The following SLX9 variants were observed in gnomAD, a reference collection of about 807,000 sequenced individuals.
The protein encoded by SLX9 is ribosome biogenesis protein SLX9 homolog.
A neutral mutation model predicts 20.8 loss-of-function variants in SLX9; 19 were observed. That is an observed-to-expected ratio of 0.91 (90% confidence interval 0.64 to 1.34). The LOEUF (loss-of-function observed/expected upper bound fraction) is 1.34. Among genes scored for constraint, SLX9 ranks in the 40% most tolerant of loss-of-function variants. The pLI is 0.00. For synonymous variants in SLX9, 113 were observed against 137.1 expected, an observed-to-expected ratio of 0.82 and a Z score of 1.23; for missense variants, 299 against 322.2, an observed-to-expected ratio of 0.93 and a Z score of 0.55.
chr21:44,962,039 A>G (rs1314717421), intron 3 of SLX9, among the ~76,000 whole-genome samples: 1 of 152,250 alleles, frequency 6.6e-6, no homozygotes, highest in African/African-American at 2.4e-5. Context: ...ATAACCGTTC[A>G]TCTAGCAGTT....
chr21:44,939,989 C>G, upstream of SLX9: 1 of 1,356,510 alleles, frequency 7.4e-7, no homozygotes, highest in Non-Finnish European at 9.5e-7. Context: ...CCTGTTTCCG[C>G]CGGGCGGCGA....
intron 2 of SLX9, among the ~76,000 whole-genome samples, chr21:44,944,040 G>A (rs60088468): frequency 0.046 from 6,984 of 152,256 alleles, 520 homozygotes; most frequent in African/African-American, 0.15. Context: ...TCATGTCTCC[G>A]CAGCTCTGCA....
chr21:44,976,837 C>T lies in SLX9; in HGVS notation c.*34C>T, dbSNP rs1308989164. ...GCGGGCATGCCACAACTCCTCAGGA[C>T]ACATGTGGGCCAAGTAGAGAGCGCC... On this transcript the variant is annotated 3_prime_UTR_variant, in exon 6 of 6. Coordinates refer to ENST00000291634, the MANE Select transcript of SLX9 (RefSeq NM_058190.4). 6.5e-7 allele frequency: 1 copy of T among 1,539,414 alleles called. No homozygotes were observed. The highest frequency in any genetic ancestry group is 8.7e-7 in the Non-Finnish European group (1 of 1,148,068).
At chr21:44,963,114 G>A (rs1601407416) in intron 3 of SLX9, among the ~76,000 whole-genome samples, 2 of 146,326 alleles carry the variant, frequency 1.4e-5, no homozygotes, top group Admixed American at 6.8e-5. Context: ...TTTTGAGATA[G>A]AGTCTTGCTC....
rs749820645 is a variant in SLX9, at chr21:44,976,768, C to G, written c.658C>G (p.Arg220Gly). 3.2e-6 allele frequency: 5 copies of G among 1,551,350 alleles called. No homozygotes were observed. The South Asian group carries it at 4.7e-5, about 15-fold the overall frequency. ...GGTGGCCATCGGGCAGACGCTGGCCCGGCAGATGCAGCTGGAAGATGGCGG... is the reference window on the plus strand; with the variant it reads ...GGTGGCCATCGGGCAGACGCTGGCCGGGCAGATGCAGCTGGAAGATGGCGG... ...PLVAIGQTLA[R>G]QMQLEDGGQL Residue 220 changes from arginine to glycine, a missense_variant, in exon 6 of 6, where the codon CGG becomes GGG. Coordinates refer to ENST00000291634, the MANE Select transcript of SLX9 (RefSeq NM_058190.4).
At chr21:44,952,308 T>C (rs2084773405) in intron 2 of SLX9, among the ~76,000 whole-genome samples, 1 of 152,248 alleles carries the variant, frequency 6.6e-6, no homozygotes, top group African/African-American at 2.4e-5. Flanking sequence ...CCTTTTTCTA[T>C]TTGCCAGACA....
intron 2 of SLX9, among the ~76,000 whole-genome samples, chr21:44,951,206 C>T (rs2084750704): frequency 6.6e-6 from 1 of 152,134 alleles, no homozygotes; most frequent in Non-Finnish European, 1.5e-5. Flanking sequence ...TGAGATGAAA[C>T]CGTGGCTGCT....
chr21:44,975,066 C>T (rs2085237808), intron 5 of SLX9, among the ~76,000 whole-genome samples: 1 of 152,210 alleles, frequency 6.6e-6, no homozygotes, highest in South Asian at 2.1e-4. Flanking sequence ...AGCAGGAGGC[C>T]CCTTCCTTGT....
chr21:44,976,517 G>A (rs1241052798), intron 5 of SLX9, among the ~76,000 whole-genome samples, 163 bp from the exon 6 acceptor site: 1 of 152,202 alleles, frequency 6.6e-6, no homozygotes. Flanking sequence ...AGGGCCCGGG[G>A]CAGCCTCTCC....
intron 4 of SLX9, among the ~76,000 whole-genome samples, chr21:44,969,823 C>T (rs1009722724): frequency 2.6e-5 from 4 of 152,228 alleles, no homozygotes; most frequent in East Asian, 1.9e-4. Context: ...CCTCAGGATC[C>T]GTACAGGATC....
intron 2 of SLX9, among the ~76,000 whole-genome samples, chr21:44,956,885 C>T (rs1035864635): frequency 6.6e-6 from 1 of 152,166 alleles, no homozygotes. Flanking sequence ...GCTGGTTTAC[C>T]GCGTCTGTTC....
chr21:44,967,229 G>T (rs375490605), intron 4 of SLX9, 48 bp downstream of exon 4: 6 of 1,527,036 alleles, frequency 3.9e-6, no homozygotes, highest in Non-Finnish European at 4.4e-6. Flanking sequence ...GGGCTGACCC[G>T]GGTCCAGAGG....
At chr21:44,973,097 CACG>C in intron 4 of SLX9, 97 bp from the exon 5 acceptor site, 1 of 1,359,724 alleles carries the variant, frequency 7.4e-7, no homozygotes, top group Middle Eastern at 1.8e-4. Context: ...CTCTGGCCAC[CACG>C]ACGTCTGCTC....
intron 3 of SLX9, among the ~76,000 whole-genome samples, chr21:44,963,455 A>ATG (rs1420382197): frequency 6.7e-6 from 1 of 150,268 alleles, no homozygotes; most frequent in Non-Finnish European, 1.5e-5. Flanking sequence ...GTGTATATGT[A>ATG]TGTGTGTGTG....
chr21:44,948,784 C>T (rs2084698551), intron 2 of SLX9, among the ~76,000 whole-genome samples: 1 of 152,248 alleles, frequency 6.6e-6, no homozygotes, highest in Non-Finnish European at 1.5e-5. Flanking sequence ...TGTCCAGGCC[C>T]ACTGGGCTCA....
chr21:44,943,558 C>G, intron 1 of SLX9, 126 bp from the exon 2 acceptor site: 1 of 1,329,514 alleles, frequency 7.5e-7, no homozygotes, highest in Non-Finnish European at 1.0e-6. Context: ...CCAGGTCCTC[C>G]CGGGCAGAGA....
chr21:44,964,734 G>A (rs1253255783), intron 3 of SLX9, among the ~76,000 whole-genome samples: 1 of 152,176 alleles, frequency 6.6e-6, no homozygotes, highest in African/African-American at 2.4e-5. Flanking sequence ...CTCCGTCCTC[G>A]AACACTCGAT....
chr21:44,963,607 G>A (rs1177019572), intron 3 of SLX9, among the ~76,000 whole-genome samples: 1 of 151,758 alleles, frequency 6.6e-6, no homozygotes, highest in Non-Finnish European at 1.5e-5. Flanking sequence ...TAGTGGTTAA[G>A]TTCCTTTTTT....
intron 2 of SLX9, among the ~76,000 whole-genome samples, chr21:44,950,930 G>A (rs1283580635): frequency 6.6e-6 from 1 of 152,282 alleles, no homozygotes; most frequent in East Asian, 1.9e-4. Flanking sequence ...TGGCCCAGGC[G>A]GGTGTGGGCT....
Sources: allele counts gnomAD v4.1 joint callset (sites outside exome capture counted in the v4.1 genomes callset), GRCh38; gene constraint gnomAD v4.1.1; transcripts MANE v1.5; gene names NCBI Gene and HGNC (gene_info 2026-07-23, HGNC 2026-07-21).